PCCA: variants seen among roughly 807,000 people sequenced by gnomAD.
PCCA encodes propionyl-CoA carboxylase alpha chain, mitochondrial.
A neutral mutation model predicts 101.3 loss-of-function variants in PCCA; 74 were observed. That is an observed-to-expected ratio of 0.73 (90% CI 0.61 to 0.89). The LOEUF is 0.89. PCCA is among the 40% of genes least tolerant of loss of function. The pLI, the probability that PCCA is intolerant of heterozygous loss-of-function variation, is 0.00. For missense variants in PCCA, 891 were observed against 907.0 expected (o/e 0.98, Z 0.23); for synonymous variants, 294 against 313.6 (o/e 0.94, Z 0.66).
rs2086968669 is a variant in PCCA at position 100,518,061 on chromosome 13, A to G, written c.2040+2494A>G. On this transcript the variant is annotated intron_variant, in intron 22 of 23. Transcript: ENST00000376285. ...AATAGCCGGGCGAGGTTCCCCTTTT[A>G]TGGGTGGGAAGATAATGGAGTCAGT... is the stretch of plus-strand genomic sequence containing the variant. Among the ~76,000 whole-genome samples the G allele has an allele frequency of 3.9e-5, 6 of 152,074 alleles. No individual in the cohort carries two copies. The South Asian group carries it at 8.3e-4, about 21-fold the overall frequency.
chr13:100,369,727 G>T (rs1269635654), intron 19 of PCCA, among the ~76,000 whole-genome samples: 1 of 152,150 alleles, frequency 6.6e-6, no homozygotes, highest in Non-Finnish European at 1.5e-5. Flanking sequence ...AGCTATGATG[G>T]AGTTAAACAG....
intron 6 of PCCA, among the ~76,000 whole-genome samples, chr13:100,177,719 T>C (rs2056367725): frequency 6.6e-6 from 1 of 152,122 alleles, no homozygotes; most frequent in Admixed American, 6.5e-5. Flanking sequence ...ACGAAAAAAA[T>C]CATCACCTTC....
At chr13:100,381,189 C>T (rs2076203472) in intron 19 of PCCA, among the ~76,000 whole-genome samples, 1 of 152,110 alleles carries the variant, frequency 6.6e-6, no homozygotes, top group African/African-American at 2.4e-5. Context: ...TGGAGACTGT[C>T]TTGGCTAACA....
intron 6 of PCCA, chr13:100,161,096 CTTCT>C (rs1226237169): frequency 2.0e-5 from 3 of 152,170 alleles, no homozygotes; most frequent in Non-Finnish European, 2.9e-5. Flanking sequence ...GCTCTTTTAT[CTTCT>C]TTCTTTCTTG....
intron 17 of PCCA, among the ~76,000 whole-genome samples, chr13:100,337,561 G>A (rs1475779635): frequency 1.3e-5 from 2 of 152,200 alleles, no homozygotes; most frequent in East Asian, 3.9e-4. Context: ...GAGCCTGTTG[G>A]AACTGAGTAC....
At chr13:100,126,638 A>G (rs72656101) in intron 4 of PCCA, among the ~76,000 whole-genome samples, 30 of 152,276 alleles carry the variant, frequency 2.0e-4, no homozygotes, top group Non-Finnish European at 2.6e-4. Context: ...TCAGGAAACT[A>G]TCTATTAGAA....
intron 16 of PCCA, among the ~76,000 whole-genome samples, chr13:100,327,234 C>A (rs1284831109): frequency 6.6e-6 from 1 of 152,180 alleles, no homozygotes; most frequent in African/African-American, 2.4e-5. Context: ...TCCCTCTACC[C>A]CTTTCCCAGT....
intron 21 of PCCA, among the ~76,000 whole-genome samples, chr13:100,455,862 G>T (rs754679055): frequency 6.6e-6 from 1 of 152,028 alleles, no homozygotes; most frequent in Non-Finnish European, 1.5e-5. Flanking sequence ...ACCACACTCA[G>T]CTACTTTTTC....
intron 22 of PCCA, chr13:100,527,474 G>T: frequency 1.7e-6 from 1 of 597,690 alleles, no homozygotes; most frequent in Non-Finnish European, 3.0e-6. Context: ...TTTTTCCAAC[G>T]AGGACTTTAT....
At chr13:100,296,867 G>A (rs1420019780) in intron 12 of PCCA, among the ~76,000 whole-genome samples, 1 of 152,012 alleles carries the variant, frequency 6.6e-6, no homozygotes, top group Non-Finnish European at 1.5e-5. Context: ...TTCCCCAGTT[G>A]CCTCATTAAT....
intron 19 of PCCA, among the ~76,000 whole-genome samples, chr13:100,409,996 G>A (rs868472983): frequency 1.1e-4 from 17 of 152,034 alleles, no homozygotes; most frequent in Non-Finnish European, 4.4e-5. Flanking sequence ...CTGACCTCAA[G>A]TGATCCACCC....
At chr13:100,445,283 A>G (rs539781131) in intron 20 of PCCA, among the ~76,000 whole-genome samples, 1 of 152,342 alleles carries the variant, frequency 6.6e-6, no homozygotes, top group East Asian at 1.9e-4. Context: ...TCACATTTCA[A>G]CATGAGGTTT....
chr13:100,391,923 G>A (rs561826086), intron 19 of PCCA, among the ~76,000 whole-genome samples: 8 of 152,114 alleles, frequency 5.3e-5, no homozygotes, highest in Non-Finnish European at 8.8e-5. Context: ...TTGGGTTATT[G>A]TTACTGTTTG....
In PCCA at chr13:100,425,684, T is replaced by A. The variant is rs150034472; in HGVS notation, c.1798T>A (p.Ser600Thr). 1.2e-6 allele frequency: 2 copies of A among 1,614,192 alleles called. No individual in the cohort carries two copies. Among genetic ancestry groups the A allele is most frequent in the Middle Eastern group, 3.3e-4 (2 of 6,062 alleles). ...LNVTSTWNLA[S>T]PLLSVSVDGT... ...TGTGACCAGCACGTGGAACCTGGCT[T>A]CGCCCTTATTGTCTGTCAGCGTTGA... The change falls in exon 20 of 24, where the codon TCG becomes ACG. Residue 600 changes from serine to threonine, a missense_variant. By Grantham distance (58) the Ser-to-Thr change is moderately conservative. Coordinates refer to ENST00000376285, the MANE Select transcript of PCCA (RefSeq NM_000282.4).
intron 21 of PCCA, among the ~76,000 whole-genome samples, chr13:100,460,090 A>G (rs954170612): frequency 6.6e-6 from 1 of 152,242 alleles, no homozygotes; most frequent in Non-Finnish European, 1.5e-5. Flanking sequence ...TGCAGATCCC[A>G]GAATTTTTCC....
rs376699138 is a variant in PCCA, at chr13:100,357,213, T to C, written c.1644-11259T>C. On this transcript the variant is annotated intron_variant, in intron 18 of 23. Coordinates refer to ENST00000376285, the MANE Select transcript of PCCA (RefSeq NM_000282.4). ...ATGATATGTGAATTTCATCTCAAAC[T>C]GTTTAAATGTATATAGTCTGTTACA... 2.0e-5 allele frequency among the ~76,000 whole-genome samples: 3 copies of C among 152,356 alleles called. No homozygotes were observed. In the East Asian group the frequency reaches 5.8e-4, roughly 29 times the overall value.
At chr13:100,178,073 G>T (rs762963029) in intron 6 of PCCA, among the ~76,000 whole-genome samples, 1 of 152,090 alleles carries the variant, frequency 6.6e-6, no homozygotes, top group Non-Finnish European at 1.5e-5. Context: ...TTAATTCAGG[G>T]TTTCTTTTTT....
chr13:100,292,934 C>CGTGTGTGTGTGTGT (rs36098330), intron 12 of PCCA, among the ~76,000 whole-genome samples: 43,360 of 147,366 alleles, frequency 0.29, 6,647 homozygotes, highest in Middle Eastern at 0.35. Context: ...TTTCCAAATT[C>CGTGTGTGTGTGTGT]GTGTGTGTGT....
chr13:100,452,148 C>T (rs371245579), intron 21 of PCCA, among the ~76,000 whole-genome samples: 1,651 of 142,406 alleles, frequency 0.012, 35 homozygotes, highest in African/African-American at 0.041. Context: ...TCCTCTTCTT[C>T]CTCTCCCTCT....
Sources: allele counts gnomAD v4.1 joint callset (sites outside exome capture counted in the v4.1 genomes callset), GRCh38; gene constraint gnomAD v4.1.1; transcripts MANE v1.5; gene names NCBI Gene and HGNC (gene_info 2026-07-23, HGNC 2026-07-21).